SHANK1: variants seen among roughly 807,000 people sequenced by gnomAD.
SHANK1 encodes SH3 and multiple ankyrin repeat domains 1.
Under a neutral mutation model 165.6 loss-of-function variants are expected in SHANK1, and 35 were observed. That is an observed-to-expected ratio of 0.21 (90% CI 0.16 to 0.28). The LOEUF (loss-of-function observed/expected upper bound fraction) is 0.28, where lower values mean the gene tolerates loss of function less well. Among genes scored for constraint, SHANK1 ranks in the 10% least tolerant of loss-of-function variants. The probability of loss-of-function intolerance (pLI) is 1.00; values close to 1 mark genes in which losing one functional copy is unlikely to be tolerated. For synonymous variants in SHANK1, 1,428 were observed against 1,384.8 expected, an observed-to-expected ratio of 1.03 and a Z score of -0.69; for missense variants, 2,681 against 3,036.4, an observed-to-expected ratio of 0.88 and a Z score of 2.75.
At chr19:50,677,540 T>C (rs1396391788) in intron 21 of SHANK1, among the ~76,000 whole-genome samples, 1 of 152,210 alleles carries the variant, frequency 6.6e-6, no homozygotes, top group Non-Finnish European at 1.5e-5. Context: ...GTCTCCTCTT[T>C]CAAATGTAAA....
At position 50,667,101 on chromosome 19, in the gene SHANK1, G is replaced by C; in HGVS notation, c.4859C>G (p.Thr1620Ser). The change falls in exon 23 of 24, where the codon ACC becomes AGC. Residue 1620 changes from threonine to serine, a missense_variant. Physicochemically the swap from Thr to Ser is moderately conservative, Grantham distance 58. This residue lies in a region of SHANK1 where 1,713 missense variants were observed against 1,630.2 expected (regional missense o/e 1.05). Transcript: ENST00000293441. The surrounding 1 kb of genome is among the most constrained non-coding windows in gnomAD (Gnocchi z 5.7). ...GTCATAGGATGTCAGGCTGGATGCG[G>C]TGGAGTCCAGGGTGGGAGGGGCTGC... is the stretch of plus-strand genomic sequence containing the variant. ...VAAAPPTLDS[T>S]ASSLTSYDSE... 3.2e-6 allele frequency: 5 copies of C among 1,558,388 alleles called. No individual in the cohort carries two copies. Among genetic ancestry groups the C allele is most frequent in the Non-Finnish European group, 4.3e-6 (5 of 1,158,530 alleles).
At chr19:50,701,961 G>A (rs886603711) in intron 12 of SHANK1, among the ~76,000 whole-genome samples, 4 of 152,162 alleles carry the variant, frequency 2.6e-5, no homozygotes, top group Non-Finnish European at 5.9e-5. Context: ...CTGCCAGCTC[G>A]TCGGGGCCCT....
intron 8 of SHANK1, 150 bp downstream of exon 8, chr19:50,711,217 GAGGA>G (rs1348643645): frequency 2.2e-5 from 13 of 597,922 alleles, no homozygotes; most frequent in Admixed American, 1.4e-4. Context: ...TGGATGGATG[GAGGA>G]ATGAATGGAG....
Position 50,686,969 on chromosome 19 carries a change from G to A in SHANK1, c.2390-157C>T. On this transcript the variant is annotated intron_variant, in intron 19 of 23. Coordinates refer to ENST00000293441, the MANE Select transcript of SHANK1 (RefSeq NM_016148.5). The surrounding 1 kb of genome is among the most constrained non-coding windows in gnomAD (Gnocchi z 5.7). ...GGGTCAGGGAGGGGCGAGTCCGCCG[G>A]CGGGGTCGGGAGACGGGGGCCCTCC... The A allele has an allele frequency of 5.1e-6, 7 of 1,385,220 alleles. No homozygotes were observed. Among genetic ancestry groups the A allele is most frequent in the Non-Finnish European group, 5.7e-6 (6 of 1,056,952 alleles). The allele number at this position is 1,385,220 out of a possible 1,614,324, so 85.8% of individuals were successfully genotyped here. A position where few individuals can be genotyped will look rare whatever the true frequency, so the allele number is the denominator to read the frequency against.
chr19:50,682,012 G>A (rs1323563000), intron 21 of SHANK1, among the ~76,000 whole-genome samples: 1 of 151,984 alleles, frequency 6.6e-6, no homozygotes, highest in Non-Finnish European at 1.5e-5. Flanking sequence ...CCAAAGTGTT[G>A]GGATTACAGG....
intron 8 of SHANK1, 76 bp from the exon 9 acceptor site, chr19:50,704,590 T>C (rs1421927509): frequency 1.5e-6 from 2 of 1,302,348 alleles, no homozygotes; most frequent in African/African-American, 1.4e-5. Context: ...ATGCAGGTTC[T>C]GTGCTAAGAG....
rs1599842226 is a variant in SHANK1, at chr19:50,669,197, G to C, written c.2763C>G (p.Pro921=). 1 of 1,609,178 alleles carries C rather than the reference G, an allele frequency of 6.2e-7. No homozygotes were observed. Among genetic ancestry groups the C allele is most frequent in the Non-Finnish European group, 8.5e-7 (1 of 1,177,830 alleles). Residue 921 remains proline (P), a synonymous_variant, in exon 23 of 24, where the codon CCC becomes CCG. Coordinates refer to ENST00000293441, the MANE Select transcript of SHANK1 (RefSeq NM_016148.5). ...CCGGTGGGGACGTGGTGGGTGGCGG[G>C]GGAATGTCCTCCGAACCAGGCACAG... ...SLSVPGSEDI[P]PPPTTSPPEP...
intron 15 of SHANK1, among the ~76,000 whole-genome samples, chr19:50,691,018 G>T (rs1477624488): frequency 2.0e-5 from 3 of 152,014 alleles, no homozygotes; most frequent in Non-Finnish European, 4.4e-5. Flanking sequence ...CTAACACCAC[G>T]CATGTTCACA....
At chr19:50,699,442 G>A (rs1307840455) in intron 12 of SHANK1, among the ~76,000 whole-genome samples, 2 of 152,158 alleles carry the variant, frequency 1.3e-5, no homozygotes, top group African/African-American at 4.8e-5. Flanking sequence ...AAGCCAGATG[G>A]GAGTATATAA....
chr19:50,703,451 G>A, intron 11 of SHANK1, 49 bp downstream of exon 11: 4 of 1,470,128 alleles, frequency 2.7e-6, no homozygotes, highest in Non-Finnish European at 2.7e-6. Flanking sequence ...GATCTGGAGA[G>A]GGGATTTGAC....
chr19:50,695,849 C>T (rs1477704325), intron 15 of SHANK1, among the ~76,000 whole-genome samples: 1 of 151,782 alleles, frequency 6.6e-6, no homozygotes, highest in Non-Finnish European at 1.5e-5. Flanking sequence ...CCACAGCTCC[C>T]CGAGAGAGCG....
chr19:50,689,075 C>G, intron 16 of SHANK1, 107 bp from the exon 17 acceptor site: 2 of 1,111,836 alleles, frequency 1.8e-6, no homozygotes, highest in South Asian at 1.3e-5. Context: ...AGCTGAGGGA[C>G]CAGCACCCCG....
intron 19 of SHANK1, among the ~76,000 whole-genome samples, chr19:50,687,247 G>A (rs1474654527): frequency 6.6e-6 from 1 of 151,910 alleles, no homozygotes; most frequent in Non-Finnish European, 1.5e-5. Context: ...GTTATTGGGG[G>A]TTGGGGGGAG....
chr19:50,702,561 G>A lies in SHANK1; in HGVS notation c.1653C>T (p.Tyr551=), dbSNP rs267605597. The change falls in exon 12 of 24, where the codon TAC becomes TAT. Residue 551 remains tyrosine, a synonymous_variant. Coordinates refer to ENST00000293441, the MANE Select transcript of SHANK1 (RefSeq NM_016148.5). This position sits in a 1 kb window ranked among gnomAD's most constrained non-coding sequence, Gnocchi z 5.3. ...TGAAGGAGCGTCCGGGTACCGCTGA[G>A]TAGAGCTTCCTCCGCCTCCCGCGGC... ...LGSRGRRRKL[Y]SAVPGRSFMA... is the part of the protein sequence containing the mutation. 3 of 1,612,884 alleles carry A rather than the reference G, an allele frequency of 1.9e-6. No individual in the cohort carries two copies. The highest frequency in any genetic ancestry group is 2.5e-6 in the Non-Finnish European group (3 of 1,179,770).
At chr19:50,704,307 T>C (rs1438383783) in intron 9 of SHANK1, 121 bp from the exon 10 acceptor site, 1 of 1,318,872 alleles carries the variant, frequency 7.6e-7, no homozygotes, top group East Asian at 2.3e-5. Flanking sequence ...CCGCCCTCTG[T>C]CTTCTTCCAG....
intron 21 of SHANK1, among the ~76,000 whole-genome samples, chr19:50,683,393 C>A (rs1317392686): frequency 6.6e-6 from 1 of 152,156 alleles, no homozygotes; most frequent in African/African-American, 2.4e-5. Flanking sequence ...CAATACATAA[C>A]CTTGTTTTAT....
chr19:50,687,210 T>C (rs942044926), intron 19 of SHANK1, among the ~76,000 whole-genome samples: 13 of 150,922 alleles, frequency 8.6e-5, no homozygotes, highest in African/African-American at 3.2e-4. Context: ...CTCGGCCTTG[T>C]CTGGAGGGAG....
chr19:50,705,203 G>A (rs1045496608), intron 8 of SHANK1, among the ~76,000 whole-genome samples: 1 of 151,762 alleles, frequency 6.6e-6, no homozygotes, highest in Non-Finnish European at 1.5e-5. Context: ...TTAGCCAGGC[G>A]TGGTGGTGGG....
At chr19:50,669,766 G>A (rs926663019) in intron 22 of SHANK1, among the ~76,000 whole-genome samples, 3 of 138,356 alleles carry the variant, frequency 2.2e-5, no homozygotes, top group African/African-American at 9.0e-5. Context: ...AAAGGGATTG[G>A]ATCTATAAAA....
Sources: gnomAD v4.1 joint callset for allele counts (sites outside exome capture counted in the v4.1 genomes callset) on GRCh38, gnomAD v4.1.1 for gene constraint, gnomAD v4.1.1 regional missense constraint, Gnocchi (gnomAD v3.1) non-coding constraint, MANE v1.5 for transcripts, NCBI Gene and HGNC (gene_info 2026-07-23, HGNC 2026-07-21) for gene names.